Variants in RAD51B observed in about 807,000 individuals in gnomAD.
RAD51B encodes the protein RAD51 paralog B.
In RAD51B, 38 loss-of-function variants were observed where a neutral mutation model predicts 42.2. The observed-to-expected ratio is 0.90, with a 90% CI of 0.70 to 1.18. RAD51B has a LOEUF of 1.18. Among genes scored for constraint, RAD51B ranks in the 50% most tolerant of loss-of-function variants. The pLI is 0.00. For synonymous variants in RAD51B, 154 were observed against 145.2 expected (o/e 1.06, Z -0.43); for missense variants, 373 against 400.7 (o/e 0.93, Z 0.59).
At chr14:68,569,842 G>A (rs1314551082) in intron 10 of RAD51B, among the ~76,000 whole-genome samples, 1 of 152,198 alleles carries the variant, frequency 6.6e-6, no homozygotes, top group Non-Finnish European at 1.5e-5. Context: ...CCCAGGGGCT[G>A]AGGGAACAGG....
intron 8 of RAD51B, among the ~76,000 whole-genome samples, chr14:68,380,784 A>T (rs1308027736): frequency 6.6e-6 from 1 of 152,228 alleles, no homozygotes; most frequent in Admixed American, 6.5e-5. Context: ...AGCTTAGAAC[A>T]TGTGGATTGC....
At chr14:68,329,602 T>C (rs756683344) in intron 8 of RAD51B, among the ~76,000 whole-genome samples, 1 of 152,240 alleles carries the variant, frequency 6.6e-6, no homozygotes, top group Non-Finnish European at 1.5e-5. Context: ...TAAATATTGC[T>C]AAAACCCTGT....
chr14:67,904,763 G>T (rs1416866807), intron 7 of RAD51B, among the ~76,000 whole-genome samples: 1 of 151,680 alleles, frequency 6.6e-6, no homozygotes, highest in Non-Finnish European at 1.5e-5. Context: ...TAATGGATCT[G>T]TTTGTTTTTA....
At chr14:68,393,934 T>G (rs1363383969) in intron 8 of RAD51B, among the ~76,000 whole-genome samples, 1 of 152,174 alleles carries the variant, frequency 6.6e-6, no homozygotes, top group Non-Finnish European at 1.5e-5. Context: ...CAGGTCTTTC[T>G]CATTTTTAGG....
At chr14:68,679,635 T>C (rs920007034) in intron 11 of RAD51B, among the ~76,000 whole-genome samples, 5 of 152,280 alleles carry the variant, frequency 3.3e-5, no homozygotes, top group African/African-American at 1.2e-4. Context: ...GAAGTGATTA[T>C]GGCTTTTCCA....
chr14:68,161,711 A>G (rs569216811), intron 7 of RAD51B, among the ~76,000 whole-genome samples: 1 of 152,344 alleles, frequency 6.6e-6, no homozygotes, highest in South Asian at 2.1e-4. Flanking sequence ...TGCATAGCTA[A>G]TGAGTGATAG....
rs1003388909 is a variant in RAD51B, at chr14:68,332,611, A to T, written c.853+40631A>T. Reference sequence around the variant, plus strand: ...TTGGGGAAGGAGCTTATAACTATGTATTCACTCACCCCACAGAAGAGAAGA... The same window carrying T: ...TTGGGGAAGGAGCTTATAACTATGTTTTCACTCACCCCACAGAAGAGAAGA... On this transcript the variant is annotated intron_variant, in intron 8 of 10. Coordinates refer to ENST00000471583, the MANE Select transcript of RAD51B (RefSeq NM_133510.4). Among the ~76,000 whole-genome samples, 5 of 152,324 alleles carry T rather than the reference A, an allele frequency of 3.3e-5. No homozygotes were observed. The East Asian group carries it at 7.7e-4, about 24-fold the overall frequency.
chr14:68,423,616 C>A (rs1367623990), intron 9 of RAD51B, among the ~76,000 whole-genome samples: 1 of 152,198 alleles, frequency 6.6e-6, no homozygotes, highest in Non-Finnish European at 1.5e-5. Flanking sequence ...TCTTTTATAT[C>A]CCTAGGTTCT....
intron 10 of RAD51B, chr14:68,497,257 C>T (rs1313667642): frequency 8.9e-6 from 12 of 1,349,512 alleles, no homozygotes; most frequent in Middle Eastern, 2.0e-4. Context: ...TCTGCTAAAA[C>T]ATTTGGTTGC....
intron 11 of RAD51B, among the ~76,000 whole-genome samples, chr14:68,668,207 G>A (rs548794160): frequency 1.5e-4 from 23 of 152,286 alleles, no homozygotes; most frequent in Non-Finnish European, 1.8e-4. Flanking sequence ...ATACTTCCTC[G>A]AAGCAGCCAC....
intron 7 of RAD51B, among the ~76,000 whole-genome samples, chr14:68,085,467 G>A (rs901601391): frequency 2.0e-5 from 3 of 152,136 alleles, no homozygotes; most frequent in African/African-American, 4.8e-5. Flanking sequence ...AATCAGGAGT[G>A]TATAGTTAAG....
chr14:68,388,924 T>G (rs917278107), intron 8 of RAD51B, among the ~76,000 whole-genome samples: 3 of 152,218 alleles, frequency 2.0e-5, no homozygotes, highest in African/African-American at 4.8e-5. Flanking sequence ...GATGTTGTTA[T>G]TCACAAGTCG....
chr14:67,841,375 G>A (rs189018058), intron 4 of RAD51B, among the ~76,000 whole-genome samples: 3 of 152,222 alleles, frequency 2.0e-5, no homozygotes, highest in Admixed American at 6.5e-5. Flanking sequence ...TCTGTAGGGC[G>A]TCCATTTATT....
intron 8 of RAD51B, among the ~76,000 whole-genome samples, chr14:68,352,947 A>G (rs866338406): frequency 1.3e-5 from 2 of 151,928 alleles, no homozygotes; most frequent in Non-Finnish European, 2.9e-5. Context: ...GGCTGGTACT[A>G]TTTTTCCTCC....
chr14:68,582,527 G>T (rs981478130), intron 10 of RAD51B, among the ~76,000 whole-genome samples: 1 of 152,206 alleles, frequency 6.6e-6, no homozygotes, highest in Admixed American at 6.5e-5. Context: ...GAGGACGGGA[G>T]AAATAGGAAT....
At chr14:68,024,700 GA>G (rs2075923793) in intron 7 of RAD51B, among the ~76,000 whole-genome samples, 1 of 152,096 alleles carries the variant, frequency 6.6e-6, no homozygotes, top group Non-Finnish European at 1.5e-5. Context: ...TTAAAATCCT[GA>G]AACTTTTCTA....
chr14:68,144,645 A>C (rs2078212727), intron 7 of RAD51B, among the ~76,000 whole-genome samples: 1 of 152,186 alleles, frequency 6.6e-6, no homozygotes, highest in African/African-American at 2.4e-5. Flanking sequence ...TGGCAGTGCC[A>C]ACCCACATTT....
intron 7 of RAD51B, among the ~76,000 whole-genome samples, chr14:67,893,501 CACACACACAA>C (rs1206661036): frequency 0.011 from 1,067 of 96,062 alleles, 62 homozygotes; most frequent in Non-Finnish European, 0.013. Flanking sequence ...CACACACACA[CACACACACAA>C]AAAAAAACAA....
intron 7 of RAD51B, among the ~76,000 whole-genome samples, chr14:68,260,298 C>CGTGTGTGTGTGTGTGTGTGTGT (rs71281749): frequency 0.054 from 5,173 of 96,592 alleles, 636 homozygotes; most frequent in African/African-American, 0.11. Flanking sequence ...GCTGAGAGAC[C>CGTGTGTGTGTGTGTGTGTGTGT]GTGTGTGTGT....
Sources: gnomAD v4.1 joint callset for allele counts (sites outside exome capture counted in the v4.1 genomes callset) on GRCh38, gnomAD v4.1.1 for gene constraint, MANE v1.5 for transcripts, NCBI Gene and HGNC (gene_info 2026-07-23, HGNC 2026-07-21) for gene names.